Variants in PACS1 observed in about 807,000 individuals in gnomAD.
The protein encoded by PACS1 is phosphofurin acidic cluster sorting protein 1.
A neutral mutation model predicts 115.0 loss-of-function variants in PACS1; 24 were observed. The observed-to-expected ratio is 0.21, with a 90% CI of 0.15 to 0.29. The LOEUF is 0.29. PACS1 is among the 10% of genes least tolerant of loss of function. PACS1 has a pLI of 1.00. For missense variants in PACS1, 838 were observed against 1,251.2 expected (o/e 0.67, Z 4.98); for synonymous variants, 453 against 504.5 (o/e 0.90, Z 1.37).
chr11:66,205,748 C>T (rs929509983), intron 2 of PACS1, among the ~76,000 whole-genome samples: 9 of 151,462 alleles, frequency 5.9e-5, no homozygotes, highest in Non-Finnish European at 2.9e-5. Context: ...TCCACCTCTG[C>T]CTCCTTAAGT....
intron 1 of PACS1, among the ~76,000 whole-genome samples, chr11:66,071,256 G>A (rs1322638402): frequency 3.3e-5 from 5 of 152,180 alleles, no homozygotes; most frequent in Admixed American, 3.3e-4. Flanking sequence ...TGCCAAACTC[G>A]ATTGTCACCT....
At chr11:66,206,405 G>A (rs1799681906) in intron 2 of PACS1, among the ~76,000 whole-genome samples, 1 of 152,132 alleles carries the variant, frequency 6.6e-6, no homozygotes, top group South Asian at 2.1e-4. Context: ...AACCCCTGGG[G>A]AAGGGTAGTA....
In PACS1 at chr11:66,244,380, A is replaced by C. The variant is rs1590846681; in HGVS notation, c.*1100A>C. On this transcript the variant is annotated 3_prime_UTR_variant, in exon 24 of 24. Coordinates refer to ENST00000320580, the MANE Select transcript of PACS1 (RefSeq NM_018026.4). The stretch of plus-strand genomic sequence containing the variant: ...CCAGCAGGCTCCTTCCCTCCCTGTC[A>C]CCTCCCTCTCACCAACCCGGGGTCT... 1.3e-5 allele frequency: 2 copies of C among 149,534 alleles called. No homozygotes were observed. The highest frequency in any genetic ancestry group is 6.7e-5 in the Admixed American group (1 of 14,964). The allele number at this position is 149,534 out of a possible 1,614,324, so 9.3% of individuals were successfully genotyped here. A position where few individuals can be genotyped will look rare whatever the true frequency, so the allele number is the denominator to read the frequency against.
chr11:66,119,148 T>TA (rs1271421931), intron 1 of PACS1, among the ~76,000 whole-genome samples: 1 of 152,232 alleles, frequency 6.6e-6, no homozygotes, highest in African/African-American at 2.4e-5. Flanking sequence ...GTAGCGTTAA[T>TA]ACTTCTTTGG....
chr11:66,199,344 T>C (rs1854723071), intron 2 of PACS1, among the ~76,000 whole-genome samples: 1 of 150,854 alleles, frequency 6.6e-6, no homozygotes, highest in Non-Finnish European at 1.5e-5. Context: ...GGAGGGGGGA[T>C]GAAGTTGAAC....
At chr11:66,113,885 T>C (rs2134549416) in intron 1 of PACS1, among the ~76,000 whole-genome samples, 1 of 152,314 alleles carries the variant, frequency 6.6e-6, no homozygotes, top group South Asian at 2.1e-4. Flanking sequence ...TTGCAAGTGA[T>C]ATATGACCAC....
In PACS1 at chr11:66,157,476, C is replaced by T. The variant is rs559261978; in HGVS notation, c.357-36010C>T. On this transcript the variant is annotated intron_variant, in intron 1 of 23. Transcript: ENST00000320580. The stretch of plus-strand genomic sequence containing the variant: ...TAGGTACCTGTGAATATAGGATATA[C>T]ACTGGGGCTGAAAACAGGAAAATGA... 4.7e-5 allele frequency among the ~76,000 whole-genome samples: 7 copies of T among 149,770 alleles called. No individual in the cohort carries two copies. In the South Asian group the frequency reaches 1.3e-3, roughly 27 times the overall value.
In PACS1 at chr11:66,070,414, C is replaced by T; in HGVS notation, c.-73C>T. ...TGAGGAGGCTGCCGCGCCCCCGCCG[C>T]CGCCGCCGCGGGGGAAGCCTGGGAG... On this transcript the variant is annotated 5_prime_UTR_variant, in exon 1 of 24. Transcript: ENST00000320580. The surrounding 1 kb of genome is among the most constrained non-coding windows in gnomAD (Gnocchi z 5.9). The T allele has an allele frequency of 1.0e-6, 1 of 998,080 alleles. No homozygotes were observed. 61.8% of individuals were successfully genotyped at this position (998,080 alleles called of 1,614,324 possible). A position where few individuals can be genotyped will look rare whatever the true frequency, so the allele number is the denominator to read the frequency against.
chr11:66,160,310 TATAAA>T (rs1281714582), intron 1 of PACS1, among the ~76,000 whole-genome samples: 4 of 152,158 alleles, frequency 2.6e-5, no homozygotes, highest in Admixed American at 2.0e-4. Flanking sequence ...TTTTCTCAAA[TATAAA>T]ATAAAGATTA....
At chr11:66,103,869 A>G (rs1194573786) in intron 1 of PACS1, among the ~76,000 whole-genome samples, 1 of 151,838 alleles carries the variant, frequency 6.6e-6, no homozygotes, top group Non-Finnish European at 1.5e-5. Context: ...ATCCCTGTGT[A>G]CTCACCACCC....
chr11:66,172,567 A>C (rs926546062), intron 1 of PACS1, among the ~76,000 whole-genome samples: 2 of 152,210 alleles, frequency 1.3e-5, no homozygotes, highest in African/African-American at 4.8e-5. Flanking sequence ...CAGATCCTGC[A>C]GCCCCCTCAA....
At chr11:66,071,122 G>A (rs1043612365) in intron 1 of PACS1, among the ~76,000 whole-genome samples, 4 of 152,140 alleles carry the variant, frequency 2.6e-5, no homozygotes, top group Admixed American at 6.5e-5. Flanking sequence ...GACCGAATCC[G>A]GCCTTCCTGG....
intron 21 of PACS1, among the ~76,000 whole-genome samples, chr11:66,240,249 G>A (rs1182160787): frequency 3.3e-5 from 5 of 152,152 alleles, no homozygotes; most frequent in East Asian, 1.9e-4. Flanking sequence ...GCAGGAGGCC[G>A]TGTCTTTAGG....
intron 1 of PACS1, among the ~76,000 whole-genome samples, chr11:66,078,002 A>C (rs1295433861): frequency 6.6e-6 from 1 of 152,148 alleles, no homozygotes; most frequent in Non-Finnish European, 1.5e-5. Context: ...ATGCCTGGCC[A>C]ACTGTAAGGT....
intron 1 of PACS1, among the ~76,000 whole-genome samples, chr11:66,102,058 AG>A (rs1217450369): frequency 1.3e-5 from 2 of 152,174 alleles, no homozygotes; most frequent in East Asian, 3.8e-4. Flanking sequence ...AGTCTTTCTG[AG>A]GCATTGAAGG....
At chr11:66,174,169 G>A (rs1859800352) in intron 1 of PACS1, among the ~76,000 whole-genome samples, 1 of 151,994 alleles carries the variant, frequency 6.6e-6, no homozygotes, top group Non-Finnish European at 1.5e-5. Flanking sequence ...AGTCACGAGG[G>A]AAATCCAAAT....
intron 2 of PACS1, 60 bp from the exon 3 acceptor site, chr11:66,210,302 C>A: frequency 1.5e-6 from 2 of 1,342,282 alleles, no homozygotes; most frequent in Non-Finnish European, 2.1e-6. Flanking sequence ...TCCCAAACTG[C>A]TGGGATTACT....
chr11:66,105,275 T>C lies in PACS1; in HGVS notation c.356+34433T>C, dbSNP rs553818338. Reference sequence around the variant, plus strand: ...CCCATCTCTACTAAAAATACAAAATTAGCCAGGCGAGGTGGTGCATGCCCA... The same window carrying C: ...CCCATCTCTACTAAAAATACAAAATCAGCCAGGCGAGGTGGTGCATGCCCA... On this transcript the variant is annotated intron_variant, in intron 1 of 23. Coordinates refer to ENST00000320580, the MANE Select transcript of PACS1 (RefSeq NM_018026.4). Among the ~76,000 whole-genome samples the C allele has an allele frequency of 4.6e-5, 7 of 152,064 alleles. No homozygotes were observed. The East Asian group carries it at 1.4e-3, about 29-fold the overall frequency.
At chr11:66,110,974 G>A (rs995774032) in intron 1 of PACS1, among the ~76,000 whole-genome samples, 1 of 152,116 alleles carries the variant, frequency 6.6e-6, no homozygotes, top group African/African-American at 2.4e-5. Context: ...CTATTTATCT[G>A]GTATTATCCT....
Sources: allele counts gnomAD v4.1 joint callset (sites outside exome capture counted in the v4.1 genomes callset), GRCh38; gene constraint gnomAD v4.1.1; non-coding constraint Gnocchi (gnomAD v3.1); transcripts MANE v1.5; gene names NCBI Gene and HGNC (gene_info 2026-07-23, HGNC 2026-07-21).